The following ZC3H18 variants were observed in gnomAD, a reference collection of about 807,000 sequenced individuals.
ZC3H18 encodes the protein zinc finger CCCH domain-containing protein 18.
In ZC3H18, 8 loss-of-function variants were observed where a neutral mutation model predicts 106.1. The observed-to-expected ratio is 0.08, with a 90% CI of 0.04 to 0.14. The LOEUF is 0.14. Among genes scored for constraint, ZC3H18 ranks in the 10% least tolerant of loss-of-function variants. The pLI is 1.00. For synonymous variants in ZC3H18, 635 were observed against 522.1 expected (o/e 1.22, Z -2.95); for missense variants, 1,318 against 1,278.4 (o/e 1.03, Z -0.47).
chr16:88,629,514 A>G (rs1306008460), intron 16 of ZC3H18, among the ~76,000 whole-genome samples: 2 of 152,214 alleles, frequency 1.3e-5, no homozygotes, highest in East Asian at 1.9e-4. Flanking sequence ...ATATTTTCCA[A>G]AACAAATGAG....
At chr16:88,605,164 G>A (rs950586955) in intron 6 of ZC3H18, among the ~76,000 whole-genome samples, 2 of 152,230 alleles carry the variant, frequency 1.3e-5, no homozygotes, top group Non-Finnish European at 2.9e-5. Context: ...GGGATTTGCT[G>A]GTGCCCTGTG....
intron 8 of ZC3H18, among the ~76,000 whole-genome samples, chr16:88,615,908 C>T (rs779183050): frequency 2.0e-5 from 3 of 152,192 alleles, no homozygotes; most frequent in African/African-American, 7.2e-5. Flanking sequence ...CTGGAGTACG[C>T]GTTAGAGGGC....
intron 8 of ZC3H18, among the ~76,000 whole-genome samples, chr16:88,613,481 A>G (rs1905388311): frequency 6.6e-6 from 1 of 151,944 alleles, no homozygotes; most frequent in Non-Finnish European, 1.5e-5. Flanking sequence ...GGAGGGCGCC[A>G]TCTCTCTGCA....
chr16:88,573,646 G>A (rs141663071), intron 1 of ZC3H18, among the ~76,000 whole-genome samples: 1 of 151,886 alleles, frequency 6.6e-6, no homozygotes, highest in African/African-American at 2.4e-5. Flanking sequence ...TCTTGGGCTC[G>A]AGTGATTCTC....
At chr16:88,629,988 C>A (rs1233413546) in intron 16 of ZC3H18, among the ~76,000 whole-genome samples, 2 of 152,240 alleles carry the variant, frequency 1.3e-5, no homozygotes, top group Non-Finnish European at 2.9e-5. Flanking sequence ...CCTTGCTGCC[C>A]TTGCCTGGGG....
At chr16:88,613,123 C>T (rs1333413792) in intron 8 of ZC3H18, among the ~76,000 whole-genome samples, 2 of 152,230 alleles carry the variant, frequency 1.3e-5, no homozygotes, top group East Asian at 1.9e-4. Flanking sequence ...TTTGTAGAAA[C>T]GGAAGTGTGC....
chr16:88,621,598 C>T (rs559501955), intron 8 of ZC3H18, among the ~76,000 whole-genome samples: 3 of 152,092 alleles, frequency 2.0e-5, no homozygotes, highest in South Asian at 2.1e-4. Flanking sequence ...CCTCATGATC[C>T]GCCCACCTCA....
rs1268611460 is a variant in ZC3H18 at position 88,587,406 on chromosome 16, C to G, written c.688+722C>G. On this transcript the variant is annotated intron_variant, in intron 3 of 17. Coordinates refer to ENST00000301011, the MANE Select transcript of ZC3H18 (RefSeq NM_144604.4). ...TAGTTTTGGCATATTTCTTGTAATT[C>G]AGCGTTCCCCTTGGAAAGGTAGGAA... 1.0e-5 allele frequency: 7 copies of G among 680,012 alleles called. 1 individual carries two copies. The Middle Eastern group carries it at 1.5e-3, about 147-fold the overall frequency. 42.1% of individuals were successfully genotyped at this position (680,012 alleles called of 1,614,324 possible).
At chr16:88,619,602 C>G (rs1315604607) in intron 8 of ZC3H18, among the ~76,000 whole-genome samples, 2 of 152,214 alleles carry the variant, frequency 1.3e-5, no homozygotes, top group African/African-American at 4.8e-5. Context: ...GGGGGGCAAG[C>G]ACCAGCTGCC....
chr16:88,586,571 C>T, intron 2 of ZC3H18, 29 bp from the exon 3 acceptor site: 4 of 1,596,242 alleles, frequency 2.5e-6, no homozygotes, highest in Non-Finnish European at 3.4e-6. Context: ...GATGCCTCCC[C>T]CACGCTAAGA....
At chr16:88,617,458 A>G (rs182434088) in intron 8 of ZC3H18, among the ~76,000 whole-genome samples, 7 of 152,050 alleles carry the variant, frequency 4.6e-5, no homozygotes, top group African/African-American at 1.5e-4. Flanking sequence ...CTTATGTGAA[A>G]CCTAATCTTT....
intron 8 of ZC3H18, 51 bp from the exon 9 acceptor site, chr16:88,622,146 G>A (rs750047795): frequency 6.4e-7 from 1 of 1,567,302 alleles, no homozygotes; most frequent in Non-Finnish European, 8.7e-7. Context: ...ACCTGGCATT[G>A]CTGTGAAGCG....
Position 88,598,631 on chromosome 16 carries a change from A to G in ZC3H18, c.849A>G (p.Val283=). The change falls in exon 5 of 18, where the codon GTA becomes GTG. Residue 283 remains valine (V), a synonymous_variant. Coordinates refer to ENST00000301011, the MANE Select transcript of ZC3H18 (RefSeq NM_144604.4). The part of the protein sequence containing the change: ...LMPANPWGGP[V]VDEILPPPPP... The stretch of plus-strand genomic sequence containing the variant: ...TCGTTTTTCAATAGGGTGGGCCGGT[A>G]GTTGATGAAATTTTGCCTCCACCCC... 1 of 1,610,848 alleles carries G rather than the reference A, an allele frequency of 6.2e-7. No individual in the cohort carries two copies. The highest frequency in any genetic ancestry group is 8.5e-7 in the Non-Finnish European group (1 of 1,178,298).
chr16:88,621,229 A>G (rs1222930360), intron 8 of ZC3H18, among the ~76,000 whole-genome samples: 1 of 124,640 alleles, frequency 8.0e-6, no homozygotes, highest in African/African-American at 3.0e-5. Context: ...TTTTGTTTTT[A>G]TTTTTTTTTT....
chr16:88,611,323 G>A lies in ZC3H18; in HGVS notation c.1262G>A (p.Arg421Gln), dbSNP rs780788251. The A allele has an allele frequency of 7.9e-6, 6 of 762,116 alleles. No homozygotes were observed. The highest frequency in any genetic ancestry group is 2.6e-5 in the East Asian group (1 of 38,134). The allele number at this position is 762,116 out of a possible 1,614,324, so 47.2% of individuals were successfully genotyped here. ...ENRQRERERERERDRERERRQ... is the reference protein window; with the variant it reads ...ENRQREREREQERDRERERRQ... ...AGACAGCGCGAGCGCGAGCGGGAGC[G>A]GGAGCGGGACCGAGAGCGGGAGCGC... Residue 421 changes from arginine (R) to glutamine (Q), a missense_variant, in exon 8 of 18, where the codon CGG becomes CAG. Arg to Gln is a conservative substitution (Grantham distance 43, BLOSUM62 1). Transcript: ENST00000301011.
chr16:88,593,992 C>T (rs763256825), intron 3 of ZC3H18, among the ~76,000 whole-genome samples: 5 of 152,162 alleles, frequency 3.3e-5, no homozygotes, highest in South Asian at 2.1e-4. Flanking sequence ...AATTGCAGCT[C>T]GCTGTAAGGA....
Position 88,608,938 on chromosome 16 carries a change from G to C in ZC3H18, c.1093G>C (p.Glu365Gln), listed in dbSNP as rs1354841191. 1 of 1,609,946 alleles carries C rather than the reference G, an allele frequency of 6.2e-7. No homozygotes were observed. Among genetic ancestry groups the C allele is most frequent in the South Asian group, 1.1e-5 (1 of 90,162 alleles). Residue 365 changes from glutamate to glutamine, a missense_variant, in exon 7 of 18, where the codon GAG (glutamate) becomes CAG (glutamine). By Grantham distance (29) the Glu-to-Gln change is conservative (BLOSUM62 2). Around this residue, in one of 6 missense-constraint regions of ZC3H18, gnomAD observed 848 missense variants for 821.7 expected, o/e 1.03. Transcript: ENST00000301011. Reference sequence around the variant, plus strand: ...TTTTTCATTGGCCCTTTTCAGACTCGAGCCTTACGCAGACCCTTATTATGA... The same window carrying C: ...TTTTTCATTGGCCCTTTTCAGACTCCAGCCTTACGCAGACCCTTATTATGA... ...IPRDVRDTVL[E>Q]PYADPYYDYE...
In ZC3H18 at chr16:88,622,336, C is replaced by G; in HGVS notation, c.1615C>G (p.Arg539Gly). The part of the protein sequence containing the change: ...LGVSVSPSRA[R>G]RRRKTSASSA... ...GGTGTCGGTCTCCCCGAGCCGGGCT[C>G]GAAGGCGTCGGAAAACATCAGCCTC... Residue 539 changes from arginine to glycine, a missense_variant, in exon 9 of 18, where the codon CGA becomes GGA. By Grantham distance (125) the Arg-to-Gly change is moderately radical. This residue lies in a region of ZC3H18 where 848 missense variants were observed against 821.7 expected (regional missense o/e 1.03). Transcript: ENST00000301011. The G allele has an allele frequency of 6.2e-7, 1 of 1,613,696 alleles. No homozygotes were observed. Among genetic ancestry groups the G allele is most frequent in the South Asian group, 1.1e-5 (1 of 90,984 alleles).
rs150535936 is a variant in ZC3H18 at position 88,627,290 on chromosome 16, G to C, written c.2109-332G>C. 7 of 205,048 alleles carry C rather than the reference G, an allele frequency of 3.4e-5. No individual in the cohort carries two copies. The East Asian group carries it at 3.4e-4, about 10-fold the overall frequency. 12.7% of individuals were successfully genotyped at this position (205,048 alleles called of 1,614,324 possible). On this transcript the variant is annotated intron_variant, in intron 13 of 17. Coordinates refer to ENST00000301011, the MANE Select transcript of ZC3H18 (RefSeq NM_144604.4). The surrounding 1 kb of genome is among the most constrained non-coding windows in gnomAD (Gnocchi z 4.5). ...TTACCATGTTGGCCAAGCTGGTCCC[G>C]AACTCCTGACATCAGTTCAGCTGGG...
Sources: gnomAD v4.1 joint callset for allele counts (sites outside exome capture counted in the v4.1 genomes callset) on GRCh38, gnomAD v4.1.1 for gene constraint, gnomAD v4.1.1 regional missense constraint, Gnocchi (gnomAD v3.1) non-coding constraint, MANE v1.5 for transcripts, NCBI Gene and HGNC (gene_info 2026-07-23, HGNC 2026-07-21) for gene names.